TUSC3: variants seen among roughly 807,000 people sequenced by gnomAD.
The protein encoded by TUSC3 is dolichyl-diphosphooligosaccharide--protein glycosyltransferase subunit TUSC3.
TUSC3 carries 45 observed loss-of-function variants against 44.8 expected under a neutral mutation model. The observed-to-expected ratio is 1.00, with a 90% CI of 0.79 to 1.29. The LOEUF (loss-of-function observed/expected upper bound fraction) is 1.29. Among genes scored for constraint, TUSC3 ranks in the 50% most tolerant of loss-of-function variants. The probability of loss-of-function intolerance (pLI) is 0.00; values close to 1 mark genes in which losing one functional copy is unlikely to be tolerated. For synonymous variants in TUSC3, 212 were observed against 152.9 expected, an observed-to-expected ratio of 1.39 and a Z score of -2.85; for missense variants, 519 against 437.9, an observed-to-expected ratio of 1.19 and a Z score of -1.65.
At chr8:15,569,451 A>T (rs1802790941) in intron 1 of TUSC3, among the ~76,000 whole-genome samples, 1 of 152,150 alleles carries the variant, frequency 6.6e-6, no homozygotes, top group Admixed American at 6.5e-5. Flanking sequence ...ACACACACAA[A>T]GTTTATTTAA....
At chr8:15,567,219 G>A (rs1429702928) in intron 1 of TUSC3, among the ~76,000 whole-genome samples, 6 of 152,158 alleles carry the variant, frequency 3.9e-5, no homozygotes, top group African/African-American at 1.4e-4. Flanking sequence ...TTTCGGGGCA[G>A]TGGGGAAGTG....
In TUSC3 at chr8:15,568,413, G is replaced by T. The variant is rs939821196; in HGVS notation, c.138+27845G>T. ...AATACCAGTTAAGTTCTCATATCTG[G>T]TCATTCCTGAAACCAAATTTATCTT... On this transcript the variant is annotated intron_variant, in intron 1 of 10. Transcript: ENST00000503731. Among the ~76,000 whole-genome samples the T allele has an allele frequency of 2.0e-5, 3 of 152,104 alleles. No individual in the cohort carries two copies. The South Asian group carries it at 6.3e-4, about 32-fold the overall frequency.
At chr8:15,794,600 C>A in the TUSC3 span, among the ~76,000 whole-genome samples, 2 of 152,204 alleles carry the variant, frequency 1.3e-5, no homozygotes, top group Middle Eastern at 6.8e-3. Flanking sequence ...AATAGCATAG[C>A]CAGAATAACA....
intron 8 of TUSC3, among the ~76,000 whole-genome samples, chr8:15,746,865 C>T (rs1345504693): frequency 1.3e-5 from 2 of 150,000 alleles, no homozygotes; most frequent in Non-Finnish European, 2.9e-5. Context: ...TGTTACTATG[C>T]TGTATCTGGG....
chr8:15,521,408 G>C (rs1044756945), intron 2 of TUSC3, among the ~76,000 whole-genome samples: 1 of 152,158 alleles, frequency 6.6e-6, no homozygotes, highest in Non-Finnish European at 1.5e-5. Context: ...ATGAAACAGA[G>C]AAAAGGCACA....
At chr8:15,694,860 T>A (rs1014182851) in intron 6 of TUSC3, among the ~76,000 whole-genome samples, 2 of 152,166 alleles carry the variant, frequency 1.3e-5, no homozygotes, top group Admixed American at 6.5e-5. Flanking sequence ...GCCAAAATGC[T>A]TCATAGGAAG....
At chr8:15,426,809 G>A (rs1306543142) in intron 1 of TUSC3, among the ~76,000 whole-genome samples, 6 of 152,156 alleles carry the variant, frequency 3.9e-5, no homozygotes, top group African/African-American at 1.4e-4. Context: ...AGGAACTTCT[G>A]TACTGTATGC....
intron 1 of TUSC3, among the ~76,000 whole-genome samples, chr8:15,478,297 G>T (rs1176853519): frequency 6.6e-6 from 1 of 151,994 alleles, no homozygotes; most frequent in Non-Finnish European, 1.5e-5. Context: ...TTAAGTTCTG[G>T]GATACATGTA....
the TUSC3 span, among the ~76,000 whole-genome samples, chr8:15,795,190 T>C: frequency 0.017 from 2,558 of 152,244 alleles, 61 homozygotes; most frequent in African/African-American, 0.058. Context: ...CCATAAACCA[T>C]CAGTTTCTGT....
intron 2 of TUSC3, among the ~76,000 whole-genome samples, chr8:15,628,001 C>A (rs1006963808): frequency 6.6e-6 from 1 of 152,172 alleles, no homozygotes; most frequent in African/African-American, 2.4e-5. Context: ...CCCCAAGGAT[C>A]CCGTAACATT....
At chr8:15,426,644 A>G (rs1332226257) in intron 1 of TUSC3, among the ~76,000 whole-genome samples, 2 of 152,204 alleles carry the variant, frequency 1.3e-5, no homozygotes, top group Admixed American at 6.5e-5. Flanking sequence ...CTGTCAATGG[A>G]CACTTGGGTT....
At chr8:15,738,884 G>C (rs904875331) in intron 7 of TUSC3, among the ~76,000 whole-genome samples, 4 of 125,214 alleles carry the variant, frequency 3.2e-5, no homozygotes, top group Non-Finnish European at 6.3e-5. Context: ...CCAGGCTGGA[G>C]TGCAGTGGTG....
chr8:15,794,358 C>G, the TUSC3 span, among the ~76,000 whole-genome samples: 1 of 152,116 alleles, frequency 6.6e-6, no homozygotes, highest in Admixed American at 6.6e-5. Context: ...TTCCATGTTT[C>G]TAACTGGAAA....
At chr8:15,824,425 AG>A in the TUSC3 span, among the ~76,000 whole-genome samples, 1 of 152,066 alleles carries the variant, frequency 6.6e-6, no homozygotes, top group Non-Finnish European at 1.5e-5. Flanking sequence ...AAATCTATAA[AG>A]ATGGTTTCCA....
At chr8:15,521,186 T>C (rs1801292656) in intron 2 of TUSC3, among the ~76,000 whole-genome samples, 4 of 152,214 alleles carry the variant, frequency 2.6e-5, no homozygotes, top group Admixed American at 2.0e-4. Flanking sequence ...CTGCCGTTTA[T>C]GTATAATGGA....
intron 2 of TUSC3, among the ~76,000 whole-genome samples, chr8:15,506,540 TCA>T (rs1049885221): frequency 2.6e-5 from 4 of 152,176 alleles, no homozygotes; most frequent in Non-Finnish European, 5.9e-5. Flanking sequence ...TTTAATGGAC[TCA>T]CAGTTCCACA....
intron 1 of TUSC3, among the ~76,000 whole-genome samples, chr8:15,570,926 A>G (rs1238188174): frequency 8.4e-6 from 1 of 119,152 alleles, no homozygotes; most frequent in African/African-American, 2.8e-5. Context: ...CATTTTGCAA[A>G]CTTTGCTTTC....
chr8:15,826,200 C>T, the TUSC3 span, among the ~76,000 whole-genome samples: 1 of 152,004 alleles, frequency 6.6e-6, no homozygotes, highest in Admixed American at 6.6e-5. Context: ...GAATGTAATT[C>T]TAGGAGATGG....
intron 2 of TUSC3, among the ~76,000 whole-genome samples, chr8:15,517,588 G>C (rs796649195): frequency 5.9e-5 from 8 of 135,016 alleles, no homozygotes; most frequent in African/African-American, 2.4e-4. Context: ...AGTTTACACA[G>C]CTGTTGGATG....
Sources: allele counts gnomAD v4.1 joint callset (sites outside exome capture counted in the v4.1 genomes callset), GRCh38; gene constraint gnomAD v4.1.1; transcripts MANE v1.5; gene names NCBI Gene and HGNC (gene_info 2026-07-23, HGNC 2026-07-21).